NPHP4: variants seen among roughly 807,000 people sequenced by gnomAD.
NPHP4 encodes the protein nephrocystin 4.
In NPHP4, 151 loss-of-function variants were observed where a neutral mutation model predicts 155.8. The ratio of observed to expected loss-of-function variants is 0.97; its 90% CI spans 0.85 to 1.11. The LOEUF (loss-of-function observed/expected upper bound fraction) is 1.11, where lower values mean the gene tolerates loss of function less well. Ranked by LOEUF, NPHP4 falls within the 50% of genes least tolerant of loss-of-function variation. The pLI, the probability that NPHP4 is intolerant of heterozygous loss-of-function variation, is 0.00. For missense variants in NPHP4, 1,956 were observed against 1,925.7 expected (o/e 1.02, Z -0.29); for synonymous variants, 845 against 816.8 (o/e 1.03, Z -0.59).
At chr1:5,893,143 C>T (rs1433631610) in intron 16 of NPHP4, among the ~76,000 whole-genome samples, 2 of 152,170 alleles carry the variant, frequency 1.3e-5, no homozygotes, top group African/African-American at 4.8e-5. Flanking sequence ...TTAATAAAAA[C>T]GAACCATGTA....
intron 1 of NPHP4, among the ~76,000 whole-genome samples, chr1:5,991,928 G>C (rs1414124601): frequency 1.9e-5 from 1 of 52,848 alleles, no homozygotes; most frequent in Non-Finnish European, 3.6e-5. Context: ...AGGCCAGGGG[G>C]CAGGGGGCAG....
chr1:5,875,610 C>G (rs3810994), intron 20 of NPHP4, among the ~76,000 whole-genome samples: 44,004 of 152,158 alleles, frequency 0.29, 6,493 homozygotes, highest in Middle Eastern at 0.34. Flanking sequence ...TCAGCCACCC[C>G]CTTGCTCTGA....
chr1:5,964,337 TA>T (rs1327519223), intron 5 of NPHP4, among the ~76,000 whole-genome samples: 2 of 152,302 alleles, frequency 1.3e-5, no homozygotes, highest in African/African-American at 4.8e-5. Flanking sequence ...ACAGCTGCTT[TA>T]AAGGAACCAG....
chr1:5,899,157 A>T (rs1644544905), intron 16 of NPHP4, among the ~76,000 whole-genome samples: 1 of 152,202 alleles, frequency 6.6e-6, no homozygotes, highest in Admixed American at 6.5e-5. Flanking sequence ...GTGCTGCTCC[A>T]CAACCCAGCC....
chr1:5,869,060 CACAT>C (rs1374104102), intron 23 of NPHP4, among the ~76,000 whole-genome samples: 1 of 143,800 alleles, frequency 7.0e-6, no homozygotes, highest in African/African-American at 2.6e-5. Flanking sequence ...CACACGCACA[CACAT>C]GCATGCCCAC....
intron 19 of NPHP4, among the ~76,000 whole-genome samples, chr1:5,879,786 C>A (rs1043804268): frequency 7.4e-6 from 1 of 134,276 alleles, no homozygotes; most frequent in Non-Finnish European, 1.5e-5. Flanking sequence ...CGCACACACA[C>A]ACACACACGC....
chr1:5,875,063 AGGTCCC>A lies in NPHP4; in HGVS notation c.2849_2854del (p.Arg950_Asp951del). On this transcript the variant is annotated inframe_deletion, in exon 21 of 30. Coordinates refer to ENST00000378156, the MANE Select transcript of NPHP4 (RefSeq NM_015102.5). Reference sequence around the variant, plus strand: ...TTCCCGGTAGGCGGCGATGACCTGTAGGTCCCGCAAGTGCTGTGTGCGGACGCTCTG... The same window carrying A: ...TTCCCGGTAGGCGGCGATGACCTGTAGCAAGTGCTGTGTGCGGACGCTCTG... The A allele has an allele frequency of 6.2e-7, 1 of 1,607,320 alleles. No homozygotes were observed. Among genetic ancestry groups the A allele is most frequent in the Non-Finnish European group, 8.5e-7 (1 of 1,179,736 alleles).
At chr1:5,914,257 CAAAAAAAAA>C (rs575438284) in intron 11 of NPHP4, among the ~76,000 whole-genome samples, 1,318 of 47,314 alleles carry the variant, frequency 0.028, 6 homozygotes, top group Admixed American at 0.039. Context: ...CTTATCTATA[CAAAAAAAAA>C]AAAAAAAAAA....
chr1:5,965,777 A>C (rs1017942890), intron 5 of NPHP4, among the ~76,000 whole-genome samples: 1 of 151,722 alleles, frequency 6.6e-6, no homozygotes, highest in African/African-American at 2.4e-5. Flanking sequence ...GCGATCACCC[A>C]CCGCTCTCCC....
intron 10 of NPHP4, among the ~76,000 whole-genome samples, chr1:5,930,086 A>T (rs1646198733): frequency 6.6e-6 from 1 of 152,142 alleles, no homozygotes; most frequent in Non-Finnish European, 1.5e-5. Context: ...TTATGTGCAG[A>T]GAATTGTTTG....
At chr1:5,881,863 G>C (rs1030149329) in intron 18 of NPHP4, 4 of 152,244 alleles carry the variant, frequency 2.6e-5, no homozygotes, top group African/African-American at 9.6e-5. Context: ...TTCAGTCTTT[G>C]TAAGCTCTTT....
intron 6 of NPHP4, among the ~76,000 whole-genome samples, chr1:5,953,042 C>T (rs1231393640): frequency 2.0e-5 from 3 of 152,144 alleles, no homozygotes; most frequent in Non-Finnish European, 4.4e-5. Flanking sequence ...AAATCTACCC[C>T]AAACCTCCTC....
At chr1:5,919,442 C>T (rs1011916302) in intron 11 of NPHP4, among the ~76,000 whole-genome samples, 2 of 152,154 alleles carry the variant, frequency 1.3e-5, no homozygotes, top group African/African-American at 4.8e-5. Flanking sequence ...CTTCTTGCTA[C>T]CTCACGTATT....
chr1:5,967,492 G>A (rs1651746008), intron 4 of NPHP4, 129 bp from the exon 5 acceptor site: 3 of 718,810 alleles, frequency 4.2e-6, no homozygotes, highest in Admixed American at 4.3e-5. Flanking sequence ...ATCCTCTGCG[G>A]AAGGCAGAGG....
rs747300330 is a variant in NPHP4 at position 5,905,515 on chromosome 1, C to T, written c.1764-32G>A. ...CACAGAGACTCCTCAGGTAGCCTCC[C>T]GGGAAAGGGGGGACCCATTGATGCA... is the stretch of plus-strand genomic sequence containing the variant. On this transcript the variant is annotated intron_variant, in intron 14 of 29. Transcript: ENST00000378156. The surrounding 1 kb of genome is among the most constrained non-coding windows in gnomAD (Gnocchi z 4.0). The T allele has an allele frequency of 2.5e-6, 4 of 1,596,546 alleles. No homozygotes were observed. Among genetic ancestry groups the T allele is most frequent in the East Asian group, 2.2e-5 (1 of 44,554 alleles).
intron 16 of NPHP4, among the ~76,000 whole-genome samples, chr1:5,893,073 T>C (rs1440243432): frequency 2.0e-5 from 3 of 152,052 alleles, no homozygotes; most frequent in African/African-American, 7.2e-5. Flanking sequence ...GGTGCAGGGA[T>C]CGACCTTAAC....
At chr1:5,956,172 T>C (rs1229117027) in intron 6 of NPHP4, among the ~76,000 whole-genome samples, 2 of 151,274 alleles carry the variant, frequency 1.3e-5, no homozygotes, top group Non-Finnish European at 2.9e-5. Flanking sequence ...GGGTGCCCCA[T>C]CTCAAGAGGC....
chr1:5,903,259 CGTAT>C (rs1297031339), intron 16 of NPHP4, among the ~76,000 whole-genome samples: 1 of 152,180 alleles, frequency 6.6e-6, no homozygotes, highest in East Asian at 1.9e-4. Flanking sequence ...CTTGAGGCTA[CGTAT>C]GTTAGAAGAT....
intron 11 of NPHP4, among the ~76,000 whole-genome samples, chr1:5,920,339 G>A (rs188602097): frequency 6.6e-6 from 1 of 152,148 alleles, no homozygotes; most frequent in Non-Finnish European, 1.5e-5. Flanking sequence ...GGGATTATAG[G>A]CATGAGCCAC....
Sources: allele counts gnomAD v4.1 joint callset (sites outside exome capture counted in the v4.1 genomes callset), GRCh38; gene constraint gnomAD v4.1.1; non-coding constraint Gnocchi (gnomAD v3.1); transcripts MANE v1.5; gene names NCBI Gene and HGNC (gene_info 2026-07-23, HGNC 2026-07-21).